POLN: variants seen among roughly 807,000 people sequenced by gnomAD.
POLN encodes DNA polymerase N.
Under a neutral mutation model 113.5 loss-of-function variants are expected in POLN, and 108 were observed. The ratio of observed to expected loss-of-function variants is 0.95; its 90% CI spans 0.81 to 1.12. POLN has a LOEUF of 1.12. Among genes scored for constraint, POLN ranks in the 50% most tolerant of loss-of-function variants. The pLI, the probability that POLN is intolerant of heterozygous loss-of-function variation, is 0.00. For missense variants in POLN, 1,097 were observed against 1,077.1 expected (o/e 1.02, Z -0.26); for synonymous variants, 386 against 391.5 (o/e 0.99, Z 0.17).
At chr4:2,219,881 G>A (rs1484351220) in intron 3 of POLN, among the ~76,000 whole-genome samples, 1 of 152,004 alleles carries the variant, frequency 6.6e-6, no homozygotes, top group Non-Finnish European at 1.5e-5. Flanking sequence ...ATCTTCATCG[G>A]GTTGTCAAAT....
Position 2,075,516 on chromosome 4 carries a change from C to T in POLN, c.2391G>A (p.Leu797=), listed in dbSNP as rs1730254225. The T allele has an allele frequency of 1.9e-6, 3 of 1,613,108 alleles. No individual in the cohort carries two copies. Among genetic ancestry groups the T allele is most frequent in the Non-Finnish European group, 2.5e-6 (3 of 1,179,924 alleles). The change falls in exon 24 of 26, where the codon CTG becomes CTA. Residue 797 remains leucine (L), a synonymous_variant. Coordinates refer to ENST00000511885, the MANE Select transcript of POLN (RefSeq NM_181808.4). ...GCAGCTCATCATGGATCTGGGCCAC[C>T]AGCCTGGCAGGGAGGGAAGGAGTCA... The part of the protein sequence containing the change: ...VAASHTLTAR[L]VAQIHDELLF...
Position 2,212,935 on chromosome 4 carries a change from T to G in POLN, c.213+112A>C, listed in dbSNP as rs925673653. On this transcript the variant is annotated intron_variant, in intron 4 of 25. Transcript: ENST00000511885. ...TGGAGAGCAAGAACGCCTCTTTTTT[T>G]TTTTTTAAGGTGTGGTATCTACAGT... 6 of 577,172 alleles carry G rather than the reference T, an allele frequency of 1.0e-5. No individual in the cohort carries two copies. In the South Asian group the frequency reaches 2.1e-4, roughly 20 times the overall value. 35.8% of individuals were successfully genotyped at this position (577,172 alleles called of 1,614,324 possible). A position where few individuals can be genotyped will look rare whatever the true frequency, so the allele number is the denominator to read the frequency against.
At chr4:2,072,915 C>T (rs1425391607) in intron 25 of POLN, 53 bp downstream of exon 25, 3 of 1,583,406 alleles carry the variant, frequency 1.9e-6, no homozygotes, top group Non-Finnish European at 1.7e-6. Context: ...GGGGTGCTGG[C>T]CTCCCCTCAC....
At chr4:2,228,274 CAA>C (rs937878886) in intron 3 of POLN, 1 of 145,270 alleles carries the variant, frequency 6.9e-6, no homozygotes, top group African/African-American at 2.7e-5. Flanking sequence ...CAACAAAAAA[CAA>C]AACAAAAAAA....
At chr4:2,176,145 T>G in intron 9 of POLN, 121 bp downstream of exon 9, 3 of 796,878 alleles carry the variant, frequency 3.8e-6, no homozygotes, top group Non-Finnish European at 6.4e-6. Context: ...ACAGGTTAAT[T>G]TGTTCTTAGA....
At position 2,179,342 on chromosome 4, in the gene POLN, T is replaced by C; in HGVS notation, c.1145A>G (p.Asn382Ser). 1 of 1,613,432 alleles carries C rather than the reference T, an allele frequency of 6.2e-7. No homozygotes were observed. Among genetic ancestry groups the C allele is most frequent in the Non-Finnish European group, 8.5e-7 (1 of 1,179,480 alleles). The change falls in exon 8 of 26, where the codon AAC becomes AGC. Residue 382 changes from asparagine to serine, a missense_variant. Asn to Ser is a conservative substitution (Grantham distance 46). Transcript: ENST00000511885. ...TCTTGAGGAATTTCCATATGTGCTG[T>C]TCACTTTAACTGTAATGGATTTTTC... ...YCEKSITVKVNSTYGNSSRNI... is the reference protein window; with the variant it reads ...YCEKSITVKVSSTYGNSSRNI...
chr4:2,214,347 A>G (rs1036696315), intron 3 of POLN, among the ~76,000 whole-genome samples: 4 of 152,232 alleles, frequency 2.6e-5, no homozygotes, highest in Non-Finnish European at 5.9e-5. Flanking sequence ...TAGTATTTCA[A>G]TTCAATAGAA....
chr4:2,156,935 A>C, intron 15 of POLN, 82 bp from the exon 16 acceptor site: 1 of 1,131,746 alleles, frequency 8.8e-7, no homozygotes, highest in South Asian at 1.3e-5. Context: ...CACTCACAAC[A>C]TGCAACACTC....
rs368128714 is a variant in POLN at position 2,179,468 on chromosome 4, G to A, written c.1022-3C>T. ...ATCTAGCCCTATAAAATCAGCAACTGAAGAGAAAAAGGTCATTCAGTCATC... is the reference window on the plus strand; with the variant it reads ...ATCTAGCCCTATAAAATCAGCAACTAAAGAGAAAAAGGTCATTCAGTCATC... On this transcript the variant is annotated splice_region_variant and splice_polypyrimidine_tract_variant and intron_variant, in intron 7 of 25. Coordinates refer to ENST00000511885, the MANE Select transcript of POLN (RefSeq NM_181808.4). 1.2e-6 allele frequency: 2 copies of A among 1,611,704 alleles called. No homozygotes were observed. The highest frequency in any genetic ancestry group is 2.7e-5 in the African/African-American group (2 of 74,806).
intron 7 of POLN, among the ~76,000 whole-genome samples, chr4:2,184,788 G>C (rs1256041073): frequency 1.3e-5 from 2 of 152,188 alleles, no homozygotes; most frequent in Non-Finnish European, 2.9e-5. Context: ...AGATTACTAG[G>C]TTTGTATGAC....
At chr4:2,168,144 G>C (rs955097581) in intron 13 of POLN, among the ~76,000 whole-genome samples, 1 of 152,202 alleles carries the variant, frequency 6.6e-6, no homozygotes, top group African/African-American at 2.4e-5. Context: ...AACATCCCAG[G>C]AACAAAAGAA....
chr4:2,102,835 C>CA (rs1730961568), intron 19 of POLN, among the ~76,000 whole-genome samples: 1 of 152,192 alleles, frequency 6.6e-6, no homozygotes. Flanking sequence ...AGAAATCATA[C>CA]AGAGTCTTCA....
intron 22 of POLN, 23 bp downstream of exon 22, chr4:2,081,610 T>C (rs766645679): frequency 1.2e-6 from 2 of 1,611,156 alleles, no homozygotes; most frequent in Non-Finnish European, 1.7e-6. Context: ...GACACAGAAC[T>C]ACAGGTAAGA....
At chr4:2,156,668 A>G in intron 16 of POLN, 120 bp downstream of exon 16, 4 of 766,000 alleles carry the variant, frequency 5.2e-6, no homozygotes, top group Non-Finnish European at 7.0e-6. Context: ...AACACAACAT[A>G]TCAGTATGAA....
intron 23 of POLN, among the ~76,000 whole-genome samples, chr4:2,078,313 C>T (rs1462227379): frequency 6.6e-6 from 1 of 152,250 alleles, no homozygotes; most frequent in African/African-American, 2.4e-5. Flanking sequence ...CGGCCTCCTG[C>T]TCTGAGCCCA....
chr4:2,208,249 CT>C lies in POLN; in HGVS notation c.451del (p.Ser151AlafsTer35). 1 of 1,586,788 alleles carries C rather than the reference CT, an allele frequency of 6.3e-7. No homozygotes were observed. Among genetic ancestry groups the C allele is most frequent in the East Asian group, 2.2e-5 (1 of 44,694 alleles). On this transcript the variant is annotated frameshift_variant, in exon 5 of 26. Coordinates refer to ENST00000511885, the MANE Select transcript of POLN (RefSeq NM_181808.4). LOFTEE classifies it high-confidence loss of function. Reference sequence around the variant, plus strand: ...AATATGTTTTCTTTTAAGATTAATGCTTCCTTTATTTTCATTATTTATATTC... The same window carrying C: ...AATATGTTTTCTTTTAAGATTAATGCTCCTTTATTTTCATTATTTATATTC... ...MENINNENKG[S>X]INLKRKHITY... is the part of the protein sequence containing the mutation.
chr4:2,125,352 G>C (rs1408997000), intron 19 of POLN, among the ~76,000 whole-genome samples: 1 of 152,218 alleles, frequency 6.6e-6, no homozygotes, highest in African/African-American at 2.4e-5. Context: ...GGGTGGAAGG[G>C]AGTTCAGGAG....
chr4:2,141,447 G>A (rs1222845785), intron 16 of POLN, among the ~76,000 whole-genome samples: 1 of 152,182 alleles, frequency 6.6e-6, no homozygotes, highest in Non-Finnish European at 1.5e-5. Flanking sequence ...CCTGAAGAGA[G>A]GGTCCTGTGT....
chr4:2,095,189 G>C (rs940258112), intron 20 of POLN, among the ~76,000 whole-genome samples: 6 of 152,048 alleles, frequency 3.9e-5, no homozygotes, highest in Admixed American at 1.3e-4. Flanking sequence ...TTGGGGCTAG[G>C]GGGTAGGGGG....
Sources: allele counts gnomAD v4.1 joint callset (sites outside exome capture counted in the v4.1 genomes callset), GRCh38; gene constraint gnomAD v4.1.1; transcripts MANE v1.5; gene names NCBI Gene and HGNC (gene_info 2026-07-23, HGNC 2026-07-21).